Variants in SRRM4 observed in about 807,000 individuals in gnomAD.
The protein encoded by SRRM4 is serine/arginine repetitive matrix protein 4.
A neutral mutation model predicts 68.9 loss-of-function variants in SRRM4; 33 were observed. The ratio of observed to expected loss-of-function variants is 0.48; its 90% CI spans 0.36 to 0.64. The LOEUF is 0.64. SRRM4 is among the 30% of genes least tolerant of loss of function. SRRM4 has a pLI of 0.00. For missense variants in SRRM4, 817 were observed against 827.1 expected (o/e 0.99, Z 0.15); for synonymous variants, 318 against 318.8 (o/e 1.00, Z 0.03).
chr12:119,055,123 G>A (rs116309072), intron 1 of SRRM4, among the ~76,000 whole-genome samples: 7 of 152,204 alleles, frequency 4.6e-5, no homozygotes, highest in South Asian at 4.2e-4. Flanking sequence ...AAGAGAGAAC[G>A]GATGCTCAGC....
At chr12:119,107,853 C>A (rs559209418) in intron 2 of SRRM4, among the ~76,000 whole-genome samples, 1 of 152,142 alleles carries the variant, frequency 6.6e-6, no homozygotes, top group African/African-American at 2.4e-5. Flanking sequence ...TTGCCTTCTG[C>A]TAGCTTTTGA....
intron 4 of SRRM4, among the ~76,000 whole-genome samples, chr12:119,119,266 T>A (rs546299105): frequency 2.0e-5 from 3 of 151,916 alleles, no homozygotes; most frequent in Admixed American, 6.6e-5. Flanking sequence ...TAAAAAATGA[T>A]TTTTCACATC....
chr12:119,078,236 T>C (rs1354757161), intron 1 of SRRM4, among the ~76,000 whole-genome samples: 1 of 152,202 alleles, frequency 6.6e-6, no homozygotes, highest in Non-Finnish European at 1.5e-5. Flanking sequence ...ATTCAACCCT[T>C]ATGTCCTGGT....
rs371328024 is a variant in SRRM4, at chr12:119,059,741, C to G, written c.132-42495C>G. 7.2e-5 allele frequency among the ~76,000 whole-genome samples: 11 copies of G among 152,288 alleles called. No homozygotes were observed. In the East Asian group the frequency reaches 1.9e-3, roughly 27 times the overall value. On this transcript the variant is annotated intron_variant, in intron 1 of 12. Transcript: ENST00000267260. ...GTTGCATCTTCTCCATATCTCATGTCGCTGCTACCCTGGCTCTTGACTACT... is the reference window on the plus strand; with the variant it reads ...GTTGCATCTTCTCCATATCTCATGTGGCTGCTACCCTGGCTCTTGACTACT...
chr12:119,065,308 C>T (rs187134721), intron 1 of SRRM4, among the ~76,000 whole-genome samples: 62 of 152,316 alleles, frequency 4.1e-4, no homozygotes, highest in Admixed American at 1.1e-3. Flanking sequence ...TAGACAGCTC[C>T]AAGTGAGTCA....
Position 119,157,065 on chromosome 12 carries a change from G to C in SRRM4, c.*267G>C. 2 of 461,802 alleles carry C rather than the reference G, an allele frequency of 4.3e-6. No homozygotes were observed. The highest frequency in any genetic ancestry group is 3.7e-6 in the Non-Finnish European group (1 of 267,238). 28.6% of individuals were successfully genotyped at this position (461,802 alleles called of 1,614,324 possible). A position where few individuals can be genotyped will look rare whatever the true frequency, so the allele number is the denominator to read the frequency against. The stretch of plus-strand genomic sequence containing the variant: ...TCTTGTGGCACAAAAAAAGAAGAAA[G>C]AAAAGAAAACTTCAAGGTTTTGTGA... On this transcript the variant is annotated 3_prime_UTR_variant, in exon 13 of 13. Transcript: ENST00000267260. This position sits in a 1 kb window ranked among gnomAD's most constrained non-coding sequence, Gnocchi z 4.1.
chr12:119,048,562 C>T (rs918541123), intron 1 of SRRM4, among the ~76,000 whole-genome samples: 1 of 152,110 alleles, frequency 6.6e-6, no homozygotes, highest in African/African-American at 2.4e-5. Context: ...CACCAGCTCC[C>T]ATTCTTTCTT....
chr12:119,142,761 C>T (rs1053835827), intron 8 of SRRM4, among the ~76,000 whole-genome samples: 5 of 152,134 alleles, frequency 3.3e-5, no homozygotes, highest in African/African-American at 1.2e-4. Flanking sequence ...ATTCCATGAT[C>T]CCATCTTTGT....
At chr12:119,112,265 A>G (rs574503230) in intron 2 of SRRM4, among the ~76,000 whole-genome samples, 22 of 152,324 alleles carry the variant, frequency 1.4e-4, no homozygotes, top group Middle Eastern at 6.8e-3. Flanking sequence ...ATCTCACGCC[A>G]GTCAGAATGG....
intron 1 of SRRM4, among the ~76,000 whole-genome samples, chr12:119,003,064 A>T (rs1953394985): frequency 6.6e-6 from 1 of 151,834 alleles, no homozygotes; most frequent in Admixed American, 6.6e-5. Flanking sequence ...CTAGTAAGGG[A>T]TCAAGCAGGG....
intron 7 of SRRM4, among the ~76,000 whole-genome samples, chr12:119,126,725 C>T (rs1954263690): frequency 1.3e-5 from 2 of 152,064 alleles, no homozygotes; most frequent in Non-Finnish European, 2.9e-5. Flanking sequence ...GGAGCTTTAA[C>T]TATAAATCAT....
chr12:119,110,155 G>T (rs1456739475), intron 2 of SRRM4, among the ~76,000 whole-genome samples: 2 of 152,326 alleles, frequency 1.3e-5, no homozygotes, highest in East Asian at 3.9e-4. Flanking sequence ...TTGCAGAATG[G>T]CAAATGTTGC....
At chr12:119,013,053 A>G (rs1953459823) in intron 1 of SRRM4, among the ~76,000 whole-genome samples, 1 of 152,212 alleles carries the variant, frequency 6.6e-6, no homozygotes. Flanking sequence ...CAGCATCTCC[A>G]GATATGCCTT....
At chr12:119,137,586 TGGAGAGAGAGAGAG>T (rs1592913201) in intron 8 of SRRM4, among the ~76,000 whole-genome samples, 1 of 54,520 alleles carries the variant, frequency 1.8e-5, no homozygotes, top group Admixed American at 2.7e-4. Flanking sequence ...AGGTTTGGAG[TGGAGAGAGAGAGAG>T]AGAGAGAGAG....
At chr12:118,997,078 T>C (rs1358053801) in intron 1 of SRRM4, among the ~76,000 whole-genome samples, 1 of 152,120 alleles carries the variant, frequency 6.6e-6, no homozygotes, top group Non-Finnish European at 1.5e-5. Flanking sequence ...AGGTTATCCA[T>C]GAAAAGGAAA....
chr12:119,156,442 C>G, intron 12 of SRRM4, 53 bp from the exon 13 acceptor site: 1 of 1,518,830 alleles, frequency 6.6e-7, no homozygotes, highest in Non-Finnish European at 8.8e-7. Context: ...GGGCTCGCTG[C>G]GGGGAGGCAC....
In SRRM4 at chr12:118,981,662, A is replaced by T; in HGVS notation, c.-221A>T. The T allele has an allele frequency of 1.8e-6, 1 of 555,182 alleles. No individual in the cohort carries two copies. Among genetic ancestry groups the T allele is most frequent in the East Asian group, 3.1e-5 (1 of 32,104 alleles). 34.4% of individuals were successfully genotyped at this position (555,182 alleles called of 1,614,324 possible). A position where few individuals can be genotyped will look rare whatever the true frequency, so the allele number is the denominator to read the frequency against. On this transcript the variant is annotated 5_prime_UTR_variant, in exon 1 of 13. Transcript: ENST00000267260. ...CAGCTCAGAGCGCAGCCTGGAGCCG[A>T]CCCAGAAGGGCGAAGAAAGCCCAGC... is the stretch of plus-strand genomic sequence containing the variant.
intron 1 of SRRM4, among the ~76,000 whole-genome samples, chr12:119,049,129 C>G (rs1413126375): frequency 6.6e-6 from 1 of 152,146 alleles, no homozygotes; most frequent in Non-Finnish European, 1.5e-5. Context: ...AGTAAATACA[C>G]AGTGTGAAGG....
chr12:118,982,737 G>A (rs925355936), intron 1 of SRRM4, among the ~76,000 whole-genome samples: 20 of 143,050 alleles, frequency 1.4e-4, no homozygotes, highest in African/African-American at 2.3e-4. Flanking sequence ...GATGAGAACC[G>A]ATCCTTGGAT....
Sources: allele counts gnomAD v4.1 joint callset (sites outside exome capture counted in the v4.1 genomes callset), GRCh38; gene constraint gnomAD v4.1.1; non-coding constraint Gnocchi (gnomAD v3.1); transcripts MANE v1.5; gene names NCBI Gene and HGNC (gene_info 2026-07-23, HGNC 2026-07-21).